Variants in MYO3B observed in about 807,000 individuals in gnomAD.
MYO3B encodes myosin-IIIb.
MYO3B carries 156 observed loss-of-function variants against 174.6 expected under a neutral mutation model. The observed-to-expected ratio is 0.89, with a 90% CI of 0.78 to 1.02. MYO3B has a LOEUF of 1.02. Ranked by LOEUF, MYO3B falls within the 50% of genes least tolerant of loss-of-function variation. The probability of loss-of-function intolerance (pLI) is 0.00; values close to 1 mark genes in which losing one functional copy is unlikely to be tolerated. For synonymous variants in MYO3B, 563 were observed against 569.1 expected, an observed-to-expected ratio of 0.99 and a Z score of 0.15; for missense variants, 1,632 against 1,639.4, an observed-to-expected ratio of 1.00 and a Z score of 0.08.
At chr2:170,651,500 A>G (rs1699008122) in intron 32 of MYO3B, 128 bp from the exon 33 acceptor site, 3 of 700,330 alleles carry the variant, frequency 4.3e-6, no homozygotes, top group Non-Finnish European at 7.5e-6. Context: ...TAATATTAGT[A>G]AAGCTTTTAA....
intron 7 of MYO3B, among the ~76,000 whole-genome samples, chr2:170,247,464 G>A (rs1407254083): frequency 6.6e-6 from 1 of 152,190 alleles, no homozygotes; most frequent in African/African-American, 2.4e-5. Flanking sequence ...TGGGGAATGG[G>A]CATTGACTTC....
intron 7 of MYO3B, among the ~76,000 whole-genome samples, chr2:170,256,456 G>A (rs529742515): frequency 1.3e-4 from 20 of 152,200 alleles, no homozygotes; most frequent in Non-Finnish European, 2.6e-4. Context: ...TATCTTACAA[G>A]CCAGAAGAGA....
chr2:170,296,707 A>T (rs1470773831), intron 7 of MYO3B, among the ~76,000 whole-genome samples: 2 of 152,154 alleles, frequency 1.3e-5, no homozygotes, highest in Non-Finnish European at 2.9e-5. Context: ...AATCTAGGCA[A>T]TTTATAAAGA....
chr2:170,203,507 G>T (rs1282874623), intron 3 of MYO3B, among the ~76,000 whole-genome samples: 16 of 133,510 alleles, frequency 1.2e-4, no homozygotes, highest in East Asian at 1.1e-3. Context: ...GCGGGGGGGG[G>T]AGGGAGGGAG....
intron 28 of MYO3B, among the ~76,000 whole-genome samples, chr2:170,513,548 A>C (rs1018685313): frequency 6.6e-6 from 1 of 152,292 alleles, no homozygotes; most frequent in East Asian, 1.9e-4. Flanking sequence ...CTCATTTTTA[A>C]CTAACTACAT....
At chr2:170,397,999 A>T (rs558965209) in intron 16 of MYO3B, among the ~76,000 whole-genome samples, 279 of 152,194 alleles carry the variant, frequency 1.8e-3, no homozygotes, top group African/African-American at 5.9e-3. Context: ...AGGCGGGTGG[A>T]TCACCTGAGG....
intron 7 of MYO3B, among the ~76,000 whole-genome samples, chr2:170,295,522 A>C (rs2093623773): frequency 6.6e-6 from 1 of 152,050 alleles, no homozygotes; most frequent in Admixed American, 6.6e-5. Context: ...GGACTTAAAA[A>C]GCTTTAACTC....
intron 9 of MYO3B, among the ~76,000 whole-genome samples, 162 bp downstream of exon 9, chr2:170,369,539 C>G (rs758033761): frequency 7.2e-5 from 11 of 152,204 alleles, no homozygotes; most frequent in Non-Finnish European, 1.3e-4. Flanking sequence ...TGGATGAGAG[C>G]AGGAGAACTT....
intron 22 of MYO3B, among the ~76,000 whole-genome samples, chr2:170,431,082 G>A (rs1462625440): frequency 6.6e-6 from 1 of 152,132 alleles, no homozygotes; most frequent in Non-Finnish European, 1.5e-5. Flanking sequence ...TGTGTATGTG[G>A]CTTTTATTTT....
intron 8 of MYO3B, chr2:170,351,086 A>G (rs977059274): frequency 1.3e-5 from 2 of 152,098 alleles, no homozygotes; most frequent in African/African-American, 4.8e-5. Context: ...GCAGGAAGGA[A>G]GGAAGTTAGT....
At chr2:170,465,015 T>G (rs1684531114) in intron 24 of MYO3B, among the ~76,000 whole-genome samples, 1 of 139,400 alleles carries the variant, frequency 7.2e-6, no homozygotes, top group Non-Finnish European at 1.6e-5. Flanking sequence ...TACAGGTACG[T>G]GCCACCATGC....
At chr2:170,519,368 T>C in intron 29 of MYO3B, 70 bp from the exon 30 acceptor site, 3 of 1,218,192 alleles carry the variant, frequency 2.5e-6, no homozygotes, top group African/African-American at 3.0e-5. Context: ...GCAGAGAGTG[T>C]AGATGGGCAC....
At chr2:170,386,933 CT>C (rs1433381904) in intron 13 of MYO3B, among the ~76,000 whole-genome samples, 172 bp from the exon 14 acceptor site, 1 of 152,218 alleles carries the variant, frequency 6.6e-6, no homozygotes, top group Non-Finnish European at 1.5e-5. Flanking sequence ...ATATGCAGAT[CT>C]GGGGAGTTGC....
chr2:170,630,403 G>A (rs569271902), intron 32 of MYO3B, among the ~76,000 whole-genome samples: 6 of 152,292 alleles, frequency 3.9e-5, no homozygotes, highest in African/African-American at 1.4e-4. Context: ...CAGGAAGCTC[G>A]AACTGAGTGG....
chr2:170,320,281 A>C (rs774727754), intron 7 of MYO3B, among the ~76,000 whole-genome samples: 6 of 152,180 alleles, frequency 3.9e-5, no homozygotes, highest in Non-Finnish European at 5.9e-5. Flanking sequence ...TCTTGGGCTC[A>C]AGCGATCTTC....
At chr2:170,607,991 CTGTTT>C (rs1288186568) in intron 32 of MYO3B, among the ~76,000 whole-genome samples, 4 of 152,162 alleles carry the variant, frequency 2.6e-5, no homozygotes, top group African/African-American at 4.8e-5. Flanking sequence ...TTTCGATGTT[CTGTTT>C]TAAGTTTGTA....
chr2:170,260,356 T>G (rs1468250141), intron 7 of MYO3B, among the ~76,000 whole-genome samples: 1 of 152,222 alleles, frequency 6.6e-6, no homozygotes, highest in Non-Finnish European at 1.5e-5. Flanking sequence ...ATATATATCA[T>G]GGAATACTAT....
chr2:170,266,279 C>T (rs1176463789), intron 7 of MYO3B, among the ~76,000 whole-genome samples: 1 of 152,022 alleles, frequency 6.6e-6, no homozygotes, highest in Non-Finnish European at 1.5e-5. Context: ...GGATTGAGTG[C>T]CTACCTTGCC....
At chr2:170,494,422 C>T (rs73025048) in intron 25 of MYO3B, among the ~76,000 whole-genome samples, 9,630 of 152,048 alleles carry the variant, frequency 0.063, 953 homozygotes, top group African/African-American at 0.21. Flanking sequence ...CTTTGGTCCT[C>T]GAGGGCCATC....
Sources: allele counts gnomAD v4.1 joint callset (sites outside exome capture counted in the v4.1 genomes callset), GRCh38; gene constraint gnomAD v4.1.1; transcripts MANE v1.5; gene names NCBI Gene and HGNC (gene_info 2026-07-23, HGNC 2026-07-21).